The following TLE4 variants were observed in gnomAD, a reference collection of about 807,000 sequenced individuals.
TLE4 encodes TLE family member 4, transcriptional corepressor, also known as transducin-like enhancer protein 4.
In TLE4, 8 loss-of-function variants were observed where a neutral mutation model predicts 92.8. The ratio of observed to expected loss-of-function variants is 0.09; its 90% CI spans 0.05 to 0.16. The LOEUF (loss-of-function observed/expected upper bound fraction) is 0.16, where lower values mean the gene tolerates loss of function less well. Among genes scored for constraint, TLE4 ranks in the 10% least tolerant of loss-of-function variants. The pLI, the probability that TLE4 is intolerant of heterozygous loss-of-function variation, is 1.00. For missense variants in TLE4, 675 were observed against 997.6 expected (o/e 0.68, Z 4.36); for synonymous variants, 371 against 374.1 (o/e 0.99, Z 0.10).
intron 14 of TLE4, among the ~76,000 whole-genome samples, chr9:79,713,320 A>T (rs1273850253): frequency 6.6e-6 from 1 of 152,244 alleles, no homozygotes; most frequent in Non-Finnish European, 1.5e-5. Flanking sequence ...GTTTTTAAAA[A>T]AGCAAATTGC....
chr9:79,658,130 T>G (rs1040873206), intron 8 of TLE4, among the ~76,000 whole-genome samples: 18 of 152,218 alleles, frequency 1.2e-4, no homozygotes, highest in African/African-American at 4.3e-4. Context: ...GGATGCATCA[T>G]CAAAGAGTAT....
intron 8 of TLE4, among the ~76,000 whole-genome samples, chr9:79,676,284 A>G (rs1219599299): frequency 1.3e-5 from 2 of 152,108 alleles, no homozygotes; most frequent in East Asian, 1.9e-4. Flanking sequence ...TTTTGGCTCA[A>G]TACTCTAAAT....
chr9:79,606,041 A>T (rs947988887), intron 4 of TLE4, among the ~76,000 whole-genome samples: 6 of 151,952 alleles, frequency 3.9e-5, no homozygotes, highest in African/African-American at 1.4e-4. Context: ...TCCTTTTCTC[A>T]CTGGAGTAAG....
At chr9:79,694,587 A>G (rs754067708) in intron 8 of TLE4, among the ~76,000 whole-genome samples, 1 of 152,214 alleles carries the variant, frequency 6.6e-6, no homozygotes, top group African/African-American at 2.4e-5. Flanking sequence ...AGTTACTATC[A>G]GTCACAACTG....
chr9:79,602,677 TGA>T (rs1307366188), intron 4 of TLE4, among the ~76,000 whole-genome samples: 1 of 152,208 alleles, frequency 6.6e-6, no homozygotes, highest in African/African-American at 2.4e-5. Flanking sequence ...CCAAGAGCTC[TGA>T]TGGAGATGTA....
At chr9:79,639,406 A>G (rs533223332) in intron 6 of TLE4, among the ~76,000 whole-genome samples, 1 of 152,302 alleles carries the variant, frequency 6.6e-6, no homozygotes, top group South Asian at 2.1e-4. Flanking sequence ...TGGAGCTGAA[A>G]ATATTTTATT....
intron 4 of TLE4, among the ~76,000 whole-genome samples, chr9:79,606,111 C>T (rs2046786358): frequency 6.8e-6 from 1 of 147,378 alleles, no homozygotes; most frequent in Non-Finnish European, 1.5e-5. Context: ...CTTTAGGAAC[C>T]TGATAGATGG....
chr9:79,610,627 A>G (rs1184635359), intron 4 of TLE4, among the ~76,000 whole-genome samples: 2 of 152,094 alleles, frequency 1.3e-5, no homozygotes, highest in African/African-American at 2.4e-5. Context: ...TTTAAACAAA[A>G]GGAGATCTTT....
chr9:79,586,947 T>G (rs910151990), intron 4 of TLE4, among the ~76,000 whole-genome samples: 5 of 152,190 alleles, frequency 3.3e-5, no homozygotes, highest in Non-Finnish European at 2.9e-5. Context: ...TTTCCCTTTT[T>G]TTGTGTGGGT....
At chr9:79,716,274 T>C (rs577859770) in intron 14 of TLE4, among the ~76,000 whole-genome samples, 1 of 152,336 alleles carries the variant, frequency 6.6e-6, no homozygotes, top group African/African-American at 2.4e-5. Flanking sequence ...TGTTGTTCCC[T>C]CTGCCTGGCA....
At position 79,572,878 on chromosome 9, in the gene TLE4, G is replaced by A. The variant is rs200294025; in HGVS notation, c.45+43G>A. On this transcript the variant is annotated intron_variant, in intron 1 of 19. Coordinates refer to ENST00000376552, the MANE Select transcript of TLE4 (RefSeq NM_007005.6). Reference sequence around the variant, plus strand: ...GGCGCGGGCTCGCCGGGTGCTGGGGGATTCCCCGCGTCGCCCCCTGCGCAC... The same window carrying A: ...GGCGCGGGCTCGCCGGGTGCTGGGGAATTCCCCGCGTCGCCCCCTGCGCAC... 3.3e-4 allele frequency: 515 copies of A among 1,571,810 alleles called. 1 individual carries two copies. The African/African-American group carries it at 6.7e-3, about 21-fold the overall frequency.
At chr9:79,636,179 G>C (rs1160124825) in intron 6 of TLE4, among the ~76,000 whole-genome samples, 2 of 151,962 alleles carry the variant, frequency 1.3e-5, no homozygotes, top group Non-Finnish European at 2.9e-5. Context: ...TGGTGGTGTC[G>C]TCTATATATA....
Position 79,605,850 on chromosome 9 carries a change from T to C in TLE4, c.253-6806T>C, listed in dbSNP as rs575335726. Among the ~76,000 whole-genome samples, 147 of 152,168 alleles carry C rather than the reference T, an allele frequency of 9.7e-4. 1 individual carries two copies. Among genetic ancestry groups the C allele is most frequent in the Admixed American group, 1.6e-3 (24 of 15,276 alleles). Reference sequence around the variant, plus strand: ...TGCAGTAAAATAGCATAAATATGAGTTCAAAACACAAACCAAGTTGACATT... The same window carrying C: ...TGCAGTAAAATAGCATAAATATGAGCTCAAAACACAAACCAAGTTGACATT... On this transcript the variant is annotated intron_variant, in intron 4 of 19. Coordinates refer to ENST00000376552, the MANE Select transcript of TLE4 (RefSeq NM_007005.6).
chr9:79,616,040 C>T (rs2049503175), intron 5 of TLE4, among the ~76,000 whole-genome samples: 1 of 152,166 alleles, frequency 6.6e-6, no homozygotes, highest in African/African-American at 2.4e-5. Flanking sequence ...CACTTTTTAG[C>T]TTTTAGGAAT....
intron 8 of TLE4, among the ~76,000 whole-genome samples, chr9:79,686,851 C>T (rs1417410536): frequency 3.9e-5 from 6 of 152,316 alleles, no homozygotes; most frequent in East Asian, 3.9e-4. Context: ...CTCCCAAGAG[C>T]GAAGTTTATC....
At chr9:79,599,388 T>A (rs2044980268) in intron 4 of TLE4, among the ~76,000 whole-genome samples, 1 of 152,170 alleles carries the variant, frequency 6.6e-6, no homozygotes, top group Non-Finnish European at 1.5e-5. Flanking sequence ...CAGGGTCCTG[T>A]CTTTGGAGAT....
rs749485456 is a variant in TLE4, at chr9:79,708,096, A to G, written c.937-22A>G. 32 of 1,612,128 alleles carry G rather than the reference A, an allele frequency of 2.0e-5. No homozygotes were observed. In the Middle Eastern group the frequency reaches 6.6e-4, roughly 33 times the overall value. ...TTAAAACCATGTTCTAATTGCTGGT[A>G]TATGTCATTTCATCTTGTTAGAATG... is the stretch of plus-strand genomic sequence containing the variant. On this transcript the variant is annotated intron_variant, in intron 11 of 19. Coordinates refer to ENST00000376552, the MANE Select transcript of TLE4 (RefSeq NM_007005.6).
intron 5 of TLE4, among the ~76,000 whole-genome samples, chr9:79,625,924 GCTT>G (rs1372904777): frequency 3.3e-5 from 5 of 150,222 alleles, no homozygotes. Flanking sequence ...TTTTGGGATT[GCTT>G]CTTAAGCTCC....
chr9:79,704,796 C>T lies in TLE4; in HGVS notation c.623C>T (p.Ser208Phe). The change falls in exon 9 of 20, where the codon TCC becomes TTC. Residue 208 changes from serine to phenylalanine, a missense_variant. By Grantham distance (155) the Ser-to-Phe change is radical (BLOSUM62 -2). This residue lies in a region of TLE4 where 280 missense variants were observed against 287.3 expected (regional missense o/e 0.97). Transcript: ENST00000376552. ...TTCTAATTCCAGAGCTCTTCAGTAT[C>T]CCCATCAGCCAGTTTCCGAGGTGCT... ...DRDSIKSSSV[S>F]PSASFRGAEK... The T allele has an allele frequency of 1.2e-6, 2 of 1,614,060 alleles. No individual in the cohort carries two copies. Among genetic ancestry groups the T allele is most frequent in the Non-Finnish European group, 1.7e-6 (2 of 1,180,016 alleles).
Sources: allele counts gnomAD v4.1 joint callset (sites outside exome capture counted in the v4.1 genomes callset), GRCh38; gene constraint gnomAD v4.1.1; regional missense constraint gnomAD v4.1.1; transcripts MANE v1.5; gene names NCBI Gene and HGNC (gene_info 2026-07-23, HGNC 2026-07-21).